The following SRPK2 variants were observed in gnomAD, a reference collection of about 807,000 sequenced individuals.
The protein encoded by SRPK2 is SFRS protein kinase 2.
A neutral mutation model predicts 90.8 loss-of-function variants in SRPK2; 21 were observed. That is an observed-to-expected ratio of 0.23 (90% confidence interval 0.16 to 0.33). SRPK2 has a LOEUF of 0.33. Among genes scored for constraint, SRPK2 ranks in the 10% least tolerant of loss-of-function variants. The pLI, the probability that SRPK2 is intolerant of heterozygous loss-of-function variation, is 1.00. For missense variants in SRPK2, 620 were observed against 869.0 expected (o/e 0.71, Z 3.60); for synonymous variants, 288 against 311.1 (o/e 0.93, Z 0.78).
chr7:105,389,385 C>G (rs1409776129), upstream of SRPK2: 2 of 1,250,854 alleles, frequency 1.6e-6, no homozygotes, highest in Non-Finnish European at 2.1e-6. Context: ...GCCGCTTCCT[C>G]CTCTCCGGCA....
intron 2 of SRPK2, among the ~76,000 whole-genome samples, chr7:105,347,527 T>A (rs1307090683): frequency 6.6e-6 from 1 of 151,984 alleles, no homozygotes; most frequent in African/African-American, 2.4e-5. Flanking sequence ...CAGTGAGATA[T>A]TCAGCCGAAG....
At chr7:105,142,819 A>T (rs1026516088) in intron 10 of SRPK2, among the ~76,000 whole-genome samples, 4 of 152,268 alleles carry the variant, frequency 2.6e-5, no homozygotes, top group African/African-American at 7.2e-5. Flanking sequence ...GACAAAATAA[A>T]GCACCATCAT....
chr7:105,247,487 T>A (rs1016542339), intron 2 of SRPK2, among the ~76,000 whole-genome samples: 3 of 147,334 alleles, frequency 2.0e-5, no homozygotes, highest in Admixed American at 6.8e-5. Flanking sequence ...CAACTACAAA[T>A]AACACCGGAG....
chr7:105,225,511 C>T (rs973042693), intron 2 of SRPK2, among the ~76,000 whole-genome samples: 6 of 152,174 alleles, frequency 3.9e-5, no homozygotes, highest in Non-Finnish European at 2.9e-5. Context: ...AGAGGATGGC[C>T]ACCATACTCC....
intron 3 of SRPK2, among the ~76,000 whole-genome samples, chr7:105,175,831 AAACC>A (rs1333154499): frequency 1.3e-5 from 2 of 152,160 alleles, no homozygotes; most frequent in Non-Finnish European, 2.9e-5. Flanking sequence ...AAAATCTGAA[AAACC>A]ATGTATCTAT....
At chr7:105,333,374 C>T (rs2385556) in intron 2 of SRPK2, among the ~76,000 whole-genome samples, 27,566 of 151,936 alleles carry the variant, frequency 0.18, 3,173 homozygotes, top group East Asian at 0.58. Flanking sequence ...AAATAATATA[C>T]AAAACAAAGA....
At chr7:105,261,033 A>AC (rs1386921333) in intron 2 of SRPK2, among the ~76,000 whole-genome samples, 28 of 151,728 alleles carry the variant, frequency 1.8e-4, no homozygotes, top group African/African-American at 6.3e-4. Flanking sequence ...AAAAAAAAAA[A>AC]AAAAAAAAAC....
intron 2 of SRPK2, among the ~76,000 whole-genome samples, chr7:105,372,478 T>C (rs888094663): frequency 6.6e-6 from 1 of 152,140 alleles, no homozygotes; most frequent in Non-Finnish European, 1.5e-5. Context: ...TACTGAGCTA[T>C]ATAAAGCATA....
intron 11 of SRPK2, among the ~76,000 whole-genome samples, chr7:105,140,493 C>T (rs1432633675): frequency 1.3e-5 from 2 of 150,844 alleles, no homozygotes; most frequent in Non-Finnish European, 3.0e-5. Flanking sequence ...CCCAGCTGCT[C>T]GGGAGACTGA....
chr7:105,269,235 G>C (rs1805505323), intron 2 of SRPK2, among the ~76,000 whole-genome samples: 1 of 151,996 alleles, frequency 6.6e-6, no homozygotes, highest in Admixed American at 6.6e-5. Context: ...AATTTGAGAA[G>C]CCTGGGTAAT....
intron 2 of SRPK2, among the ~76,000 whole-genome samples, chr7:105,291,622 C>A (rs1463980485): frequency 6.6e-6 from 1 of 152,138 alleles, no homozygotes; most frequent in Admixed American, 6.5e-5. Flanking sequence ...CCCAGCTACT[C>A]GGGAAGCTGA....
At chr7:105,384,527 A>C (rs188039476) in intron 2 of SRPK2, among the ~76,000 whole-genome samples, 1 of 152,334 alleles carries the variant, frequency 6.6e-6, no homozygotes, top group East Asian at 1.9e-4. Context: ...AAATCATATT[A>C]TACCAAGCCA....
chr7:105,307,970 T>A (rs929991274), intron 2 of SRPK2, among the ~76,000 whole-genome samples: 1 of 152,176 alleles, frequency 6.6e-6, no homozygotes. Flanking sequence ...AAGATTGTGG[T>A]GAGGTTAACA....
rs1006777396 is a variant in SRPK2 at position 105,261,472 on chromosome 7, G to A, written c.72-57687C>T. On this transcript the variant is annotated intron_variant, in intron 2 of 15. Transcript: ENST00000393651. ...GGAGGCGGAGCTTGCAGTGAGCCGAGATCGCGCCACTGCACTCCAGCCTGG... is the reference window on the plus strand; with the variant it reads ...GGAGGCGGAGCTTGCAGTGAGCCGAAATCGCGCCACTGCACTCCAGCCTGG... Among the ~76,000 whole-genome samples, 6 of 151,622 alleles carry A rather than the reference G, an allele frequency of 4.0e-5. 1 individual carries two copies. Among genetic ancestry groups the A allele is most frequent in the Admixed American group, 2.0e-4 (3 of 15,230 alleles).
chr7:105,195,338 C>G (rs1794785937), intron 3 of SRPK2, among the ~76,000 whole-genome samples: 1 of 152,242 alleles, frequency 6.6e-6, no homozygotes, highest in African/African-American at 2.4e-5. Context: ...CGTGGGCCAC[C>G]ATGCCCGGCC....
chr7:105,147,770 C>G (rs911420581), intron 7 of SRPK2, among the ~76,000 whole-genome samples: 1 of 152,202 alleles, frequency 6.6e-6, no homozygotes, highest in African/African-American at 2.4e-5. Context: ...TAAATGGAAT[C>G]ATATAAAGTA....
At chr7:105,378,645 C>G (rs1820585143) in intron 2 of SRPK2, among the ~76,000 whole-genome samples, 1 of 152,068 alleles carries the variant, frequency 6.6e-6, no homozygotes, top group South Asian at 2.1e-4. Flanking sequence ...CACCTGTAGT[C>G]CCAGCTACTC....
chr7:105,399,290 G>A (rs1302954654), exon 1 of SRPK2: 1 of 152,202 alleles, frequency 6.6e-6, no homozygotes, highest in Non-Finnish European at 1.5e-5. Context: ...AGCTGTTGCA[G>A]AGGCCTCATT....
chr7:105,382,242 A>C (rs1373345812), intron 2 of SRPK2, among the ~76,000 whole-genome samples: 1 of 150,888 alleles, frequency 6.6e-6, no homozygotes, highest in Non-Finnish European at 1.5e-5. Flanking sequence ...ACACAATGGA[A>C]TACTTGTTAC....
Sources: gnomAD v4.1 joint callset for allele counts (sites outside exome capture counted in the v4.1 genomes callset) on GRCh38, gnomAD v4.1.1 for gene constraint, MANE v1.5 for transcripts, NCBI Gene and HGNC (gene_info 2026-07-23, HGNC 2026-07-21) for gene names.